PEAK1: variants seen among roughly 807,000 people sequenced by gnomAD.
PEAK1 encodes the protein pseudopodium enriched atypical kinase 1.
PEAK1 carries 54 observed loss-of-function variants against 124.7 expected under a neutral mutation model. The ratio of observed to expected loss-of-function variants is 0.43; its 90% CI spans 0.35 to 0.54. The LOEUF (loss-of-function observed/expected upper bound fraction) is 0.54. Among genes scored for constraint, PEAK1 ranks in the 20% least tolerant of loss-of-function variants. PEAK1 has a pLI of 0.01. For synonymous variants in PEAK1, 719 were observed against 760.0 expected, an observed-to-expected ratio of 0.95 and a Z score of 0.89; for missense variants, 2,046 against 2,134.5, an observed-to-expected ratio of 0.96 and a Z score of 0.82.
At chr15:77,400,049 A>G (rs989592310) in intron 1 of PEAK1, among the ~76,000 whole-genome samples, 9 of 152,304 alleles carry the variant, frequency 5.9e-5, no homozygotes, top group Non-Finnish European at 1.3e-4. Context: ...TGGCAAATAG[A>G]TCTATGAAAA....
In PEAK1 at chr15:77,112,008, C is replaced by G. The variant is rs551016808; in HGVS notation, c.*2148G>C. ...TGCACATGTTCTATGCTAAGATGAA[C>G]CAAACACCAACCTTCAAGGCAAGGC... On this transcript the variant is annotated 3_prime_UTR_variant, in exon 10 of 10. Transcript: ENST00000682557. The G allele has an allele frequency of 1.5e-4, 23 of 152,346 alleles. No homozygotes were observed. Among genetic ancestry groups the G allele is most frequent in the African/African-American group, 5.5e-4 (23 of 41,562 alleles). The allele number at this position is 152,346 out of a possible 1,614,324, so 9.4% of individuals were successfully genotyped here. A position where few individuals can be genotyped will look rare whatever the true frequency, so the allele number is the denominator to read the frequency against.
intron 2 of PEAK1, among the ~76,000 whole-genome samples, chr15:77,329,714 T>C (rs1597322047): frequency 6.6e-6 from 1 of 152,224 alleles, no homozygotes; most frequent in African/African-American, 2.4e-5. Flanking sequence ...TGCACAGTTT[T>C]TCATCACTGA....
At chr15:77,411,319 G>A (rs1309331264) in intron 1 of PEAK1, among the ~76,000 whole-genome samples, 2 of 152,136 alleles carry the variant, frequency 1.3e-5, no homozygotes, top group Non-Finnish European at 2.9e-5. Flanking sequence ...GAGGGCAGCA[G>A]AAACACTCCT....
rs71143395 is a variant in PEAK1 at position 77,182,749 on chromosome 15, C to CAAAA, written c.-114-713_-114-710dup. On this transcript the variant is annotated intron_variant, in intron 6 of 9. Coordinates refer to ENST00000682557, the MANE Select transcript of PEAK1 (RefSeq NM_001385026.1). Reference sequence around the variant, plus strand: ...TGGGTGACAGAGTGAGACCTTGTCTCAAAAAAAAAAAAAAAAAAAAGGCTG... The same window carrying CAAAA: ...TGGGTGACAGAGTGAGACCTTGTCTCAAAAAAAAAAAAAAAAAAAAAAAAGGCTG... 4.9e-4 allele frequency among the ~76,000 whole-genome samples: 32 copies of CAAAA among 65,134 alleles called. 2 individuals carry two copies. Among genetic ancestry groups the CAAAA allele is most frequent in the African/African-American group, 1.5e-3 (24 of 16,186 alleles). The allele number at this position is 65,134 out of a possible 152,430, so 42.7% of individuals were successfully genotyped here. A position where few individuals can be genotyped will look rare whatever the true frequency, so the allele number is the denominator to read the frequency against.
chr15:77,356,126 C>T (rs982890128), intron 2 of PEAK1, among the ~76,000 whole-genome samples: 1 of 152,078 alleles, frequency 6.6e-6, no homozygotes, highest in Non-Finnish European at 1.5e-5. Flanking sequence ...ATAAGAATGT[C>T]AAGGAAGAAG....
At position 77,208,810 on chromosome 15, in the gene PEAK1, A is replaced by C. The variant is rs111688426; in HGVS notation, c.-114-26770T>G. Among the ~76,000 whole-genome samples the C allele has an allele frequency of 7.7e-3, 1,166 of 152,300 alleles. 17 individuals are homozygous for C. The highest frequency in any genetic ancestry group is 0.027 in the African/African-American group (1,112 of 41,578). ...CAGAAATACTTAACTATAGAGAACT[A>C]ACTCACTGGTGAAAAACTGAAAGAA... On this transcript the variant is annotated intron_variant, in intron 6 of 9. Transcript: ENST00000682557.
chr15:77,172,159 CAGTT>C (rs1445599374), intron 7 of PEAK1, among the ~76,000 whole-genome samples: 1 of 152,128 alleles, frequency 6.6e-6, no homozygotes, highest in African/African-American at 2.4e-5. Context: ...TTTTTGTACT[CAGTT>C]ACATTCAAAG....
chr15:77,126,244 T>A (rs2052364641), intron 9 of PEAK1, among the ~76,000 whole-genome samples: 1 of 152,188 alleles, frequency 6.6e-6, no homozygotes, highest in African/African-American at 2.4e-5. Context: ...TAAAAAATGT[T>A]TTTCATAATT....
At chr15:77,313,150 T>C (rs62008455) in intron 2 of PEAK1, among the ~76,000 whole-genome samples, 46,406 of 152,026 alleles carry the variant, frequency 0.31, 7,728 homozygotes, top group Middle Eastern at 0.4. Context: ...TTTTGTAGTG[T>C]CAGAAAATTT....
chr15:77,310,623 A>G (rs961647942), intron 2 of PEAK1, among the ~76,000 whole-genome samples: 6 of 152,194 alleles, frequency 3.9e-5, no homozygotes, highest in Admixed American at 2.6e-4. Context: ...ACATGCAGAA[A>G]AGCTACTTTT....
intron 2 of PEAK1, among the ~76,000 whole-genome samples, chr15:77,345,086 GGTGAGAGCAGGCAT>G (rs56363337): frequency 0.27 from 40,881 of 152,014 alleles, 6,492 homozygotes; most frequent in Middle Eastern, 0.37. Flanking sequence ...GAATATAAGT[GGTGAGAGCAGGCAT>G]CCTTGCCTTG....
At chr15:77,403,872 C>A (rs2071581715) in intron 1 of PEAK1, 1 of 984,638 alleles carries the variant, frequency 1.0e-6, no homozygotes, top group South Asian at 4.7e-5. Flanking sequence ...TACAATGCCA[C>A]AAATTCATTT....
chr15:77,168,627 T>A (rs2056294493), intron 7 of PEAK1, among the ~76,000 whole-genome samples: 1 of 151,676 alleles, frequency 6.6e-6, no homozygotes. Flanking sequence ...AACTCTGGAG[T>A]GGATTAGGGG....
In PEAK1 at chr15:77,173,522, T is replaced by C. The variant is rs532494250; in HGVS notation, c.3137+5268A>G. Among the ~76,000 whole-genome samples the C allele has an allele frequency of 1.3e-3, 205 of 152,294 alleles. 1 individual carries two copies. Among genetic ancestry groups the C allele is most frequent in the African/African-American group, 4.8e-3 (200 of 41,558 alleles). On this transcript the variant is annotated intron_variant, in intron 7 of 9. Transcript: ENST00000682557. ...ATATGTACTATGTCATTATTAACTATGGTCACCATGCTGTACAATAGATCT... is the reference window on the plus strand; with the variant it reads ...ATATGTACTATGTCATTATTAACTACGGTCACCATGCTGTACAATAGATCT...
intron 5 of PEAK1, among the ~76,000 whole-genome samples, chr15:77,260,363 T>TA (rs1437384810): frequency 1.3e-5 from 2 of 151,942 alleles, no homozygotes; most frequent in East Asian, 3.9e-4. Flanking sequence ...TATCATTTAA[T>TA]AAAAAAATTA....
At chr15:77,249,081 C>A (rs2152922413) in intron 6 of PEAK1, among the ~76,000 whole-genome samples, 1 of 152,242 alleles carries the variant, frequency 6.6e-6, no homozygotes, top group Admixed American at 6.5e-5. Flanking sequence ...CCTCGGCCTC[C>A]CAAAGTGTTG....
At position 77,114,837 on chromosome 15, in the gene PEAK1, C is replaced by T. The variant is rs1292491645; in HGVS notation, c.4560G>A (p.Glu1520=). ...YHVTHCDLRL[E]NLLLVHYQPG... ...GCTGGTAGTGGACAAGTAGCAGGTT[C>T]TCTAGGCGTAGATCGCAGTGAGTGA... is the stretch of plus-strand genomic sequence containing the variant. Residue 1520 remains glutamate, a synonymous_variant, in exon 10 of 10, where the codon GAG becomes GAA. Coordinates refer to ENST00000682557, the MANE Select transcript of PEAK1 (RefSeq NM_001385026.1). 3 of 1,613,518 alleles carry T rather than the reference C, an allele frequency of 1.9e-6. No homozygotes were observed.
At chr15:77,402,257 C>T (rs964939958) in intron 1 of PEAK1, 1 of 982,646 alleles carries the variant, frequency 1.0e-6, no homozygotes, top group African/African-American at 1.8e-5. Flanking sequence ...GGAACAGAAA[C>T]AAGCAGAAGG....
At chr15:77,290,220 G>A (rs2063145428) in intron 2 of PEAK1, among the ~76,000 whole-genome samples, 1 of 152,164 alleles carries the variant, frequency 6.6e-6, no homozygotes, top group African/African-American at 2.4e-5. Flanking sequence ...CATTTCCCGG[G>A]TTCAAGCGAT....
Sources: gnomAD v4.1 joint callset for allele counts (sites outside exome capture counted in the v4.1 genomes callset) on GRCh38, gnomAD v4.1.1 for gene constraint, MANE v1.5 for transcripts, NCBI Gene and HGNC (gene_info 2026-07-23, HGNC 2026-07-21) for gene names.